The following SCG5 variants were observed in gnomAD, a reference collection of about 807,000 sequenced individuals.
SCG5 encodes the protein secretogranin V, also known as neuroendocrine protein 7B2.
Under a neutral mutation model 25.7 loss-of-function variants are expected in SCG5, and 18 were observed. The observed-to-expected ratio is 0.70, with a 90% CI of 0.48 to 1.04. SCG5 has a LOEUF of 1.04. SCG5 is among the 50% of genes least tolerant of loss of function. The probability of loss-of-function intolerance (pLI) is 0.00; values close to 1 mark genes in which losing one functional copy is unlikely to be tolerated. For missense variants in SCG5, 206 were observed against 259.8 expected (o/e 0.79, Z 1.42); for synonymous variants, 101 against 91.7 (o/e 1.10, Z -0.58).
intron 2 of SCG5, among the ~76,000 whole-genome samples, chr15:32,651,246 G>A (rs1212602470): frequency 1.3e-5 from 2 of 152,150 alleles, no homozygotes; most frequent in Non-Finnish European, 2.9e-5. Flanking sequence ...AACACTGACT[G>A]TTGGACTTCA....
chr15:32,655,402 A>AT (rs1392459162), intron 2 of SCG5, among the ~76,000 whole-genome samples: 2 of 151,954 alleles, frequency 1.3e-5, no homozygotes, highest in Non-Finnish European at 2.9e-5. Flanking sequence ...ACAGTTACCC[A>AT]TTTTCCCCTT....
At chr15:32,690,924 C>T (rs574066074) in intron 4 of SCG5, among the ~76,000 whole-genome samples, 2 of 144,976 alleles carry the variant, frequency 1.4e-5, no homozygotes, top group South Asian at 4.3e-4. Context: ...CAAGTAAAGC[C>T]CCCCCCCACC....
At chr15:32,673,904 A>G (rs1193176161) in intron 2 of SCG5, among the ~76,000 whole-genome samples, 1 of 152,036 alleles carries the variant, frequency 6.6e-6, no homozygotes, top group Non-Finnish European at 1.5e-5. Context: ...TATTTTTAGT[A>G]GAAATGGGGT....
intron 5 of SCG5, among the ~76,000 whole-genome samples, chr15:32,693,037 A>C (rs1567091937): frequency 6.6e-6 from 1 of 152,198 alleles, no homozygotes; most frequent in Non-Finnish European, 1.5e-5. Flanking sequence ...AAAGGGTATA[A>C]TGTGGTCTTG....
At chr15:32,665,575 A>G (rs1462145072) in intron 2 of SCG5, 1 of 152,216 alleles carries the variant, frequency 6.6e-6, no homozygotes, top group Non-Finnish European at 1.5e-5. Flanking sequence ...GGTAAAATCA[A>G]GTACTATTTG....
At chr15:32,652,234 G>A (rs1277354096) in intron 2 of SCG5, among the ~76,000 whole-genome samples, 4 of 152,094 alleles carry the variant, frequency 2.6e-5, no homozygotes, top group East Asian at 3.9e-4. Flanking sequence ...CTTTGTGGGG[G>A]CTTTGGGCAG....
At chr15:32,650,825 A>G (rs2054020855) in intron 2 of SCG5, among the ~76,000 whole-genome samples, 1 of 152,260 alleles carries the variant, frequency 6.6e-6, no homozygotes, top group Non-Finnish European at 1.5e-5. Context: ...CCAGTTATCT[A>G]GCCATTAAGA....
intron 2 of SCG5, among the ~76,000 whole-genome samples, chr15:32,664,616 C>T (rs1217270834): frequency 6.6e-6 from 1 of 152,160 alleles, no homozygotes; most frequent in African/African-American, 2.4e-5. Flanking sequence ...GGTTCCAGGC[C>T]TTGGAAGCAG....
intron 2 of SCG5, among the ~76,000 whole-genome samples, chr15:32,669,356 T>C (rs1236724616): frequency 6.6e-6 from 1 of 152,068 alleles, no homozygotes; most frequent in Admixed American, 6.5e-5. Context: ...AGAGCCCAAG[T>C]CCATATTTTT....
At chr15:32,673,474 T>C (rs1026370902) in intron 2 of SCG5, among the ~76,000 whole-genome samples, 1 of 151,276 alleles carries the variant, frequency 6.6e-6, no homozygotes, top group Non-Finnish European at 1.5e-5. Context: ...GAATGCAGAA[T>C]CTCAGGCCCC....
chr15:32,686,203 A>C (rs1367263366), intron 4 of SCG5, among the ~76,000 whole-genome samples: 3 of 152,246 alleles, frequency 2.0e-5, no homozygotes, highest in Non-Finnish European at 2.9e-5. Flanking sequence ...TTTCAAGCCT[A>C]GTAGTAGAGC....
At chr15:32,677,188 C>T (rs529420387) in intron 2 of SCG5, among the ~76,000 whole-genome samples, 151 of 152,234 alleles carry the variant, frequency 9.9e-4, no homozygotes, top group African/African-American at 3.4e-3. Flanking sequence ...GGGCTAGATA[C>T]TTCTCATCAT....
chr15:32,683,765 T>A (rs772583747), intron 3 of SCG5, among the ~76,000 whole-genome samples: 1 of 152,258 alleles, frequency 6.6e-6, no homozygotes, highest in Non-Finnish European at 1.5e-5. Context: ...AGCTCTGCTC[T>A]TGTCTGACTC....
chr15:32,661,702 C>A (rs1041533077), intron 2 of SCG5, among the ~76,000 whole-genome samples: 10 of 152,168 alleles, frequency 6.6e-5, no homozygotes, highest in African/African-American at 2.4e-4. Context: ...GCTGTGGAGA[C>A]CCATGGCTCT....
intron 2 of SCG5, among the ~76,000 whole-genome samples, chr15:32,650,112 T>A (rs1045638841): frequency 3.9e-5 from 6 of 152,172 alleles, no homozygotes; most frequent in African/African-American, 9.7e-5. Context: ...TTATTTATTT[T>A]TTGAGACGGA....
intron 2 of SCG5, among the ~76,000 whole-genome samples, chr15:32,650,772 C>A (rs2054020242): frequency 6.6e-6 from 1 of 152,322 alleles, no homozygotes; most frequent in South Asian, 2.1e-4. Flanking sequence ...TGTTCATTTT[C>A]CCCACAGTTC....
intron 5 of SCG5, among the ~76,000 whole-genome samples, chr15:32,693,498 G>A (rs941126186): frequency 1.3e-5 from 2 of 152,158 alleles, no homozygotes; most frequent in Admixed American, 6.5e-5. Flanking sequence ...AAGGAAGCAC[G>A]TTGGCCCTGC....
At chr15:32,692,276 G>C in intron 5 of SCG5, 1 of 986,896 alleles carries the variant, frequency 1.0e-6, no homozygotes, top group Non-Finnish European at 1.2e-6. Flanking sequence ...GGCCTAGCCA[G>C]ACTGATGTAA....
chr15:32,684,775 G>A, intron 4 of SCG5, 106 bp downstream of exon 4: 1 of 702,432 alleles, frequency 1.4e-6, no homozygotes, highest in Non-Finnish European at 2.4e-6. Flanking sequence ...AAATTATTTA[G>A]AAGCTAATTT....
Sources: gnomAD v4.1 joint callset for allele counts (sites outside exome capture counted in the v4.1 genomes callset) on GRCh38, gnomAD v4.1.1 for gene constraint, MANE v1.5 for transcripts, NCBI Gene and HGNC (gene_info 2026-07-23, HGNC 2026-07-21) for gene names.